Variants in SHROOM2 observed in about 807,000 individuals in gnomAD.
The protein encoded by SHROOM2 is protein Shroom2.
In SHROOM2, 33 loss-of-function variants were observed where a neutral mutation model predicts 75.9. That is an observed-to-expected ratio of 0.43 (90% CI 0.33 to 0.58). The LOEUF is 0.58. Ranked by LOEUF, SHROOM2 falls within the 20% of genes least tolerant of loss-of-function variation. The pLI, the probability that SHROOM2 is intolerant of heterozygous loss-of-function variation, is 0.04. For missense variants in SHROOM2, 1,434 were observed against 1,461.2 expected (o/e 0.98, Z 0.30); for synonymous variants, 655 against 663.6 (o/e 0.99, Z 0.20).
intron 1 of SHROOM2, among the ~76,000 whole-genome samples, chrX:9,828,122 C>T (rs919149777): frequency 1.4e-4 from 16 of 112,817 alleles, no homozygotes; most frequent in African/African-American, 5.1e-4. Context: ...AAGGGGAATA[C>T]GCACATCTTA....
rs1482216505 is a variant in SHROOM2 at position 9,811,320 on chromosome X, A to G, written c.165+24610A>G. 4.5e-5 allele frequency among the ~76,000 whole-genome samples: 5 copies of G among 111,809 alleles called. No individual in the cohort carries two copies. The East Asian group carries it at 8.5e-4, about 19-fold the overall frequency. ...ATGTGTAACCTCCGTCCCTGCCACC[A>G]TGGCCACTTTGTTCATGGGCCCATT... is the stretch of plus-strand genomic sequence containing the variant. On this transcript the variant is annotated intron_variant, in intron 1 of 9. Transcript: ENST00000380913.
At chrX:9,861,775 A>G (rs1165157245) in intron 1 of SHROOM2, among the ~76,000 whole-genome samples, 1 of 111,818 alleles carries the variant, frequency 8.9e-6, no homozygotes, top group African/African-American at 3.2e-5. Flanking sequence ...ATTTCTCCAA[A>G]TTGTGTACGT....
chrX:9,829,770 G>C lies in SHROOM2; in HGVS notation c.165+43060G>C, dbSNP rs146516725. On this transcript the variant is annotated intron_variant, in intron 1 of 9. Transcript: ENST00000380913. Reference sequence around the variant, plus strand: ...ATTGAAAACAGAACTCACACCTGCCGGTTGCGGCAGAGTGATCTGAACATG... The same window carrying C: ...ATTGAAAACAGAACTCACACCTGCCCGTTGCGGCAGAGTGATCTGAACATG... 5.4e-3 allele frequency among the ~76,000 whole-genome samples: 604 copies of C among 111,609 alleles called. 3 individuals carry two copies. The highest frequency in any genetic ancestry group is 0.019 in the African/African-American group (580 of 30,747).
chrX:9,843,968 A>C (rs2083992991), intron 1 of SHROOM2, among the ~76,000 whole-genome samples: 1 of 112,760 alleles, frequency 8.9e-6, no homozygotes, highest in African/African-American at 3.2e-5. Context: ...AACTGTAGGA[A>C]TTAATGAAGA....
chrX:9,887,124 G>A (rs1211503322), intron 2 of SHROOM2, among the ~76,000 whole-genome samples: 1 of 112,249 alleles, frequency 8.9e-6, no homozygotes, highest in Non-Finnish European at 1.9e-5. Flanking sequence ...CCTGAGGCCA[G>A]TGGAAGGTTG....
chrX:9,814,607 C>G (rs2083809074), intron 1 of SHROOM2, among the ~76,000 whole-genome samples: 1 of 111,132 alleles, frequency 9.0e-6, no homozygotes, highest in Admixed American at 9.6e-5. Context: ...GGGAGGCCAT[C>G]ACTGTTGCCT....
chrX:9,892,452 G>A, intron 3 of SHROOM2, among the ~76,000 whole-genome samples: 1 of 110,729 alleles, frequency 9.0e-6, no homozygotes, highest in Non-Finnish European at 1.9e-5. Flanking sequence ...ATTCTCAACT[G>A]AGTAGTAACA....
intron 5 of SHROOM2, among the ~76,000 whole-genome samples, chrX:9,902,369 G>A (rs2084369911): frequency 9.0e-6 from 1 of 111,214 alleles, no homozygotes; most frequent in South Asian, 3.8e-4. Context: ...GAAGGTGGAT[G>A]GATGAGTGAA....
intron 8 of SHROOM2, among the ~76,000 whole-genome samples, chrX:9,941,309 C>T (rs1320102193): frequency 9.0e-6 from 1 of 111,518 alleles, no homozygotes; most frequent in Non-Finnish European, 1.9e-5. Flanking sequence ...ACCTGAGCCT[C>T]CTGGAAAGCC....
rs149104353 is a variant in SHROOM2, at chrX:9,858,045, T to C, written c.166-15607T>C. Reference sequence around the variant, plus strand: ...GGCTTTATGTTTTCCCCGTGTTGCCTTCTTAGGCTCTGCTGCCTAGGCTGT... The same window carrying C: ...GGCTTTATGTTTTCCCCGTGTTGCCCTCTTAGGCTCTGCTGCCTAGGCTGT... On this transcript the variant is annotated intron_variant, in intron 1 of 9. Transcript: ENST00000380913. Among the ~76,000 whole-genome samples the C allele has an allele frequency of 8.7e-3, 976 of 111,898 alleles. 5 individuals carry two copies. Among genetic ancestry groups the C allele is most frequent in the African/African-American group, 0.028 (869 of 30,765 alleles).
chrX:9,930,765 C>T (rs979461235), intron 5 of SHROOM2, among the ~76,000 whole-genome samples: 3 of 110,220 alleles, frequency 2.7e-5, no homozygotes, highest in Non-Finnish European at 5.7e-5. Context: ...TTTTTTGAGA[C>T]GGAGTCTTGC....
chrX:9,930,471 C>T (rs1156554658), intron 5 of SHROOM2, among the ~76,000 whole-genome samples: 1 of 104,646 alleles, frequency 9.6e-6, no homozygotes, highest in Non-Finnish European at 2.0e-5. Flanking sequence ...CCAGATTGTG[C>T]ACTCCAGCCT....
chrX:9,828,786 T>C (rs776524742), intron 1 of SHROOM2, among the ~76,000 whole-genome samples: 2 of 111,519 alleles, frequency 1.8e-5, no homozygotes, highest in Non-Finnish European at 3.8e-5. Flanking sequence ...TATATCTGTC[T>C]ATCTGTCTCT....
intron 2 of SHROOM2, among the ~76,000 whole-genome samples, chrX:9,887,689 A>G (rs1342152869): frequency 8.9e-6 from 1 of 112,203 alleles, no homozygotes; most frequent in Non-Finnish European, 1.9e-5. Flanking sequence ...CTATTTCAAG[A>G]TTTAAAAATA....
chrX:9,890,046 T>C (rs1020685076), intron 2 of SHROOM2, among the ~76,000 whole-genome samples: 9 of 112,874 alleles, frequency 8.0e-5, no homozygotes, highest in African/African-American at 2.9e-4. Flanking sequence ...TTAACAGTTG[T>C]CCATATTTAT....
At chrX:9,877,793 T>A (rs1038113331) in intron 2 of SHROOM2, among the ~76,000 whole-genome samples, 2 of 107,959 alleles carry the variant, frequency 1.9e-5, no homozygotes, top group African/African-American at 6.8e-5. Context: ...CCAGTTGGGT[T>A]AGTGCAAAAG....
At chrX:9,838,873 A>T (rs527918239) in intron 1 of SHROOM2, among the ~76,000 whole-genome samples, 2 of 111,418 alleles carry the variant, frequency 1.8e-5, no homozygotes, top group African/African-American at 6.5e-5. Context: ...ACGTACAGGG[A>T]TTGTCCAAAA....
intron 1 of SHROOM2, among the ~76,000 whole-genome samples, chrX:9,790,519 G>A (rs1274198821): frequency 9.0e-6 from 1 of 111,574 alleles, no homozygotes; most frequent in Non-Finnish European, 1.9e-5. Flanking sequence ...TCTGCACGAG[G>A]GAGTGCTGCT....
At chrX:9,837,379 C>T (rs1289592205) in intron 1 of SHROOM2, among the ~76,000 whole-genome samples, 1 of 113,013 alleles carries the variant, frequency 8.8e-6, no homozygotes, top group Non-Finnish European at 1.9e-5. Context: ...AAGTAAGTCA[C>T]TGTCAATTAT....
Sources: allele counts gnomAD v4.1 joint callset (sites outside exome capture counted in the v4.1 genomes callset), GRCh38; gene constraint gnomAD v4.1.1; transcripts MANE v1.5; gene names NCBI Gene and HGNC (gene_info 2026-07-23, HGNC 2026-07-21).